The following PLXNA2 variants were observed in gnomAD, a reference collection of about 807,000 sequenced individuals.
The protein encoded by PLXNA2 is plexin-A2.
In PLXNA2, 91 loss-of-function variants were observed where a neutral mutation model predicts 193.5. The observed-to-expected ratio is 0.47, with a 90% CI of 0.40 to 0.56. The LOEUF (loss-of-function observed/expected upper bound fraction) is 0.56. PLXNA2 is among the 20% of genes least tolerant of loss of function. The pLI, the probability that PLXNA2 is intolerant of heterozygous loss-of-function variation, is 0.00. For synonymous variants in PLXNA2, 997 were observed against 1,027.3 expected, an observed-to-expected ratio of 0.97 and a Z score of 0.56; for missense variants, 1,995 against 2,503.2, an observed-to-expected ratio of 0.80 and a Z score of 4.33.
chr1:208,061,320 T>C (rs1665612588), intron 12 of PLXNA2, among the ~76,000 whole-genome samples: 1 of 152,206 alleles, frequency 6.6e-6, no homozygotes, highest in African/African-American at 2.4e-5. Context: ...ACAGTGTTAT[T>C]ATTGCCCCTG....
intron 12 of PLXNA2, among the ~76,000 whole-genome samples, chr1:208,070,750 CAA>C (rs1665951725): frequency 6.6e-6 from 1 of 152,288 alleles, no homozygotes; most frequent in South Asian, 2.1e-4. Flanking sequence ...GGTCTAATGA[CAA>C]TACTAACTTC....
chr1:208,086,113 T>C (rs1666511509), intron 9 of PLXNA2, among the ~76,000 whole-genome samples: 2 of 152,322 alleles, frequency 1.3e-5, no homozygotes, highest in South Asian at 2.1e-4. Context: ...CCATGATTGC[T>C]TTTGACACAC....
At chr1:208,238,206 T>G (rs576864308) in intron 1 of PLXNA2, among the ~76,000 whole-genome samples, 1 of 152,144 alleles carries the variant, frequency 6.6e-6, no homozygotes, top group African/African-American at 2.4e-5. Flanking sequence ...GGAGACAGGC[T>G]CATTCACCAG....
intron 29 of PLXNA2, chr1:208,029,614 C>A: frequency 1.0e-6 from 1 of 988,960 alleles, no homozygotes; most frequent in South Asian, 4.7e-5. Context: ...CTCCCCAGGG[C>A]GTTCTTGTAT....
At chr1:208,163,388 G>C (rs1469879734) in intron 3 of PLXNA2, among the ~76,000 whole-genome samples, 1 of 152,178 alleles carries the variant, frequency 6.6e-6, no homozygotes, top group Non-Finnish European at 1.5e-5. Context: ...GGCTGGGGGA[G>C]GGAGGTGGAA....
intron 29 of PLXNA2, chr1:208,030,500 G>A (rs1321779371): frequency 2.0e-5 from 20 of 985,290 alleles, no homozygotes; most frequent in Non-Finnish European, 2.3e-5. Context: ...TGGACTGTGG[G>A]CTCTTAACCC....
chr1:208,219,211 C>T (rs949947680), intron 1 of PLXNA2, among the ~76,000 whole-genome samples: 8 of 152,162 alleles, frequency 5.3e-5, no homozygotes, highest in African/African-American at 1.9e-4. Context: ...AGGAAGCTGC[C>T]CAGAGGGGCA....
At chr1:208,185,831 G>A (rs1311303654) in intron 3 of PLXNA2, among the ~76,000 whole-genome samples, 1 of 152,022 alleles carries the variant, frequency 6.6e-6, no homozygotes, top group East Asian at 1.9e-4. Context: ...GGATCCAATG[G>A]CACTTAGAGA....
chr1:208,206,948 C>T (rs868712082), intron 3 of PLXNA2, among the ~76,000 whole-genome samples: 1 of 151,290 alleles, frequency 6.6e-6, no homozygotes, highest in African/African-American at 2.4e-5. Flanking sequence ...ATTTTTAGTA[C>T]CGACAGGGTT....
At chr1:208,195,107 G>A (rs1014014670) in intron 3 of PLXNA2, among the ~76,000 whole-genome samples, 1 of 152,200 alleles carries the variant, frequency 6.6e-6, no homozygotes, top group Non-Finnish European at 1.5e-5. Context: ...AAGAGTGAGT[G>A]GGAGAAGGCA....
chr1:208,038,422 G>A lies in PLXNA2; in HGVS notation c.4713C>T (p.Thr1571=), dbSNP rs1205043668. The A allele has an allele frequency of 6.2e-7, 1 of 1,614,026 alleles. No individual in the cohort carries two copies. Among genetic ancestry groups the A allele is most frequent in the East Asian group, 2.2e-5 (1 of 44,884 alleles). Residue 1571 remains threonine (T), a synonymous_variant, in exon 26 of 32, where the codon ACC becomes ACT. Coordinates refer to ENST00000367033, the MANE Select transcript of PLXNA2 (RefSeq NM_025179.4). The surrounding 1 kb of genome is among the most constrained non-coding windows in gnomAD (Gnocchi z 4.1). ...GCTTCCAGTCACCCTCAATCTTGGT[G>A]GTGATGTCCTCATCTTGCAGCACGA... The part of the protein sequence containing the change: ...ARVVLQDEDI[T]TKIEGDWKRL...
chr1:208,113,998 T>C (rs1667567335), intron 4 of PLXNA2, among the ~76,000 whole-genome samples: 1 of 152,192 alleles, frequency 6.6e-6, no homozygotes. Flanking sequence ...TGTTGTTGAA[T>C]AGAAGGTTGA....
rs540325162 is a variant in PLXNA2 at position 208,053,839 on chromosome 1, G to A, written c.2856+582C>T. Among the ~76,000 whole-genome samples the A allele has an allele frequency of 3.9e-5, 6 of 152,276 alleles. 1 individual carries two copies. The South Asian group carries it at 8.3e-4, about 21-fold the overall frequency. The stretch of plus-strand genomic sequence containing the variant: ...TGCAATTTGACTACCTGTTGCCTGC[G>A]CATAAAGAGATGTTTTCAGGTGTGA... On this transcript the variant is annotated intron_variant, in intron 14 of 31. Transcript: ENST00000367033.
intron 3 of PLXNA2, among the ~76,000 whole-genome samples, chr1:208,189,516 A>AC (rs1670110223): frequency 6.6e-6 from 1 of 151,502 alleles, no homozygotes; most frequent in Non-Finnish European, 1.5e-5. Context: ...AAGAGAAAAA[A>AC]AAAAAAGCGA....
chr1:208,182,826 G>A (rs1669886470), intron 3 of PLXNA2, among the ~76,000 whole-genome samples: 1 of 152,064 alleles, frequency 6.6e-6, no homozygotes, highest in Non-Finnish European at 1.5e-5. Context: ...TCTCCTAGAG[G>A]AGACTCTGGC....
At chr1:208,138,538 C>G (rs1417675114) in intron 4 of PLXNA2, among the ~76,000 whole-genome samples, 2 of 152,224 alleles carry the variant, frequency 1.3e-5, no homozygotes, top group African/African-American at 2.4e-5. Context: ...AATGTTGACC[C>G]TTCAGCGAAG....
intron 3 of PLXNA2, among the ~76,000 whole-genome samples, chr1:208,144,039 T>C (rs1157425272): frequency 6.6e-6 from 1 of 152,172 alleles, no homozygotes; most frequent in African/African-American, 2.4e-5. Context: ...TGAATCAAAG[T>C]GAGGTCAAAA....
At chr1:208,125,852 A>G (rs1667959724) in intron 4 of PLXNA2, among the ~76,000 whole-genome samples, 2 of 152,186 alleles carry the variant, frequency 1.3e-5, no homozygotes, top group South Asian at 4.1e-4. Flanking sequence ...AAGACACCAC[A>G]TGGATAGATC....
intron 5 of PLXNA2, among the ~76,000 whole-genome samples, chr1:208,099,947 A>T (rs929076195): frequency 6.6e-6 from 1 of 152,070 alleles, no homozygotes; most frequent in African/African-American, 2.4e-5. Context: ...GAAGCAGCAC[A>T]GCCATGGAAA....
Sources: gnomAD v4.1 joint callset for allele counts (sites outside exome capture counted in the v4.1 genomes callset) on GRCh38, gnomAD v4.1.1 for gene constraint, Gnocchi (gnomAD v3.1) non-coding constraint, MANE v1.5 for transcripts, NCBI Gene and HGNC (gene_info 2026-07-23, HGNC 2026-07-21) for gene names.